The following APBB2 variants were observed in gnomAD, a reference collection of about 807,000 sequenced individuals.
The protein encoded by APBB2 is Fe65-like 1.
APBB2 carries 38 observed loss-of-function variants against 82.5 expected under a neutral mutation model. That is an observed-to-expected ratio of 0.46 (90% CI 0.36 to 0.60). APBB2 has a LOEUF of 0.60. Ranked by LOEUF, APBB2 falls within the 20% of genes least tolerant of loss-of-function variation. The pLI is 0.00. For missense variants in APBB2, 772 were observed against 972.3 expected (o/e 0.79, Z 2.74); for synonymous variants, 341 against 368.2 (o/e 0.93, Z 0.85).
intron 5 of APBB2, among the ~76,000 whole-genome samples, chr4:41,024,827 T>C (rs945196290): frequency 2.6e-5 from 4 of 152,214 alleles, no homozygotes; most frequent in Non-Finnish European, 5.9e-5. Flanking sequence ...GGTTAAGAGA[T>C]AAGCCTGTGC....
At chr4:41,206,778 C>A (rs981982647) in intron 1 of APBB2, among the ~76,000 whole-genome samples, 1 of 152,212 alleles carries the variant, frequency 6.6e-6, no homozygotes, top group African/African-American at 2.4e-5. Context: ...TTCACTTCCA[C>A]TGACAAACAA....
intron 10 of APBB2, among the ~76,000 whole-genome samples, chr4:40,907,361 ATATATATATATATATATATTTTTTT>A (rs1208242636): frequency 8.1e-5 from 7 of 86,932 alleles, no homozygotes; most frequent in African/African-American, 1.3e-4. Context: ...ATATATATAT[ATATATATATATATATATATTTTTTT>A]TTTTTTTTTT....
intron 6 of APBB2, among the ~76,000 whole-genome samples, chr4:40,948,531 C>T (rs1050124440): frequency 5.9e-5 from 9 of 151,894 alleles, no homozygotes; most frequent in Admixed American, 1.3e-4. Flanking sequence ...GAGGCCGAGG[C>T]GGGCAGATCA....
intron 1 of APBB2, among the ~76,000 whole-genome samples, chr4:41,163,477 G>A (rs2154042710): frequency 6.6e-6 from 1 of 152,248 alleles, no homozygotes; most frequent in Middle Eastern, 3.4e-3. Flanking sequence ...GGAGGCAGGA[G>A]GAGTAAAAGA....
intron 6 of APBB2, among the ~76,000 whole-genome samples, chr4:40,978,392 G>A (rs2154401773): frequency 6.6e-6 from 1 of 152,256 alleles, no homozygotes; most frequent in African/African-American, 2.4e-5. Flanking sequence ...CAAGACAAAT[G>A]CATCTACCCA....
At position 40,832,812 on chromosome 4, in the gene APBB2, C is replaced by G. The variant is rs772347347; in HGVS notation, c.1530-2235G>C. ...GACGACTGTGCCTAACTCATCCCAG[C>G]GTCTAGTTCAGGCCTGGCGTATCAC... On this transcript the variant is annotated intron_variant, in intron 12 of 17. Coordinates refer to ENST00000508593, the MANE Select transcript of APBB2 (RefSeq NM_004307.2). The surrounding 1 kb of genome is among the most constrained non-coding windows in gnomAD (Gnocchi z 4.8). Among the ~76,000 whole-genome samples, 3 of 152,194 alleles carry G rather than the reference C, an allele frequency of 2.0e-5. No homozygotes were observed. The highest frequency in any genetic ancestry group is 6.5e-5 in the Admixed American group (1 of 15,282).
At chr4:40,886,144 A>G (rs1297618138) in intron 12 of APBB2, among the ~76,000 whole-genome samples, 1 of 152,190 alleles carries the variant, frequency 6.6e-6, no homozygotes, top group Non-Finnish European at 1.5e-5. Flanking sequence ...ATCAACCACG[A>G]GGCAAGAGGG....
At chr4:41,200,385 T>TAAAA (rs146275212) in intron 1 of APBB2, among the ~76,000 whole-genome samples, 4 of 151,420 alleles carry the variant, frequency 2.6e-5, no homozygotes, top group Admixed American at 6.6e-5. Context: ...ATTTTTTTTT[T>TAAAA]AAATAAAATT....
At chr4:41,000,296 G>C (rs1362316552) in intron 6 of APBB2, among the ~76,000 whole-genome samples, 1 of 151,490 alleles carries the variant, frequency 6.6e-6, no homozygotes, top group Non-Finnish European at 1.5e-5. Flanking sequence ...TATTTAAAAA[G>C]GGCAAAGTCA....
chr4:41,081,948 T>C (rs1270905238), intron 3 of APBB2, among the ~76,000 whole-genome samples: 1 of 152,208 alleles, frequency 6.6e-6, no homozygotes, highest in East Asian at 1.9e-4. Flanking sequence ...TGACACCTAC[T>C]ACAAATACAG....
At chr4:41,001,563 G>T (rs1417864694) in intron 6 of APBB2, among the ~76,000 whole-genome samples, 1 of 152,162 alleles carries the variant, frequency 6.6e-6, no homozygotes, top group Non-Finnish European at 1.5e-5. Context: ...TTATATTCAA[G>T]AGTAAGTCTA....
intron 1 of APBB2, among the ~76,000 whole-genome samples, chr4:41,178,387 C>T (rs1243373713): frequency 6.6e-6 from 1 of 152,164 alleles, no homozygotes; most frequent in Non-Finnish European, 1.5e-5. Flanking sequence ...CTCAAACCCA[C>T]CCAGACTAGA....
chr4:40,893,471 T>C (rs949029770), intron 10 of APBB2, 60 bp from the exon 11 acceptor site: 10 of 1,490,020 alleles, frequency 6.7e-6, no homozygotes, highest in Admixed American at 6.5e-5. Flanking sequence ...CATATCAGTT[T>C]ACACTACTCC....
intron 10 of APBB2, among the ~76,000 whole-genome samples, chr4:40,911,596 C>G (rs1266627734): frequency 6.6e-6 from 1 of 152,200 alleles, no homozygotes; most frequent in East Asian, 1.9e-4. Context: ...GCTTACTCTG[C>G]CCAATCCAAT....
chr4:41,030,354 A>G (rs1486412262), intron 5 of APBB2, among the ~76,000 whole-genome samples: 3 of 152,236 alleles, frequency 2.0e-5, no homozygotes, highest in East Asian at 1.9e-4. Flanking sequence ...GGAGTAGTCA[A>G]CTTTGGAAAT....
chr4:40,957,922 T>C (rs1469461433), intron 6 of APBB2, among the ~76,000 whole-genome samples: 1 of 152,184 alleles, frequency 6.6e-6, no homozygotes, highest in Non-Finnish European at 1.5e-5. Context: ...AGATAGGATA[T>C]GATCAGAGGT....
intron 10 of APBB2, among the ~76,000 whole-genome samples, chr4:40,893,972 TCAA>T (rs71975850): frequency 0.14 from 21,762 of 150,428 alleles, 1,810 homozygotes; most frequent in Admixed American, 0.21. Flanking sequence ...AGACTCCATC[TCAA>T]CAACAACAAC....
intron 5 of APBB2, among the ~76,000 whole-genome samples, chr4:41,024,708 C>A (rs1255322123): frequency 1.3e-5 from 2 of 152,176 alleles, no homozygotes; most frequent in East Asian, 3.8e-4. Flanking sequence ...TTTACAGATT[C>A]CTGTTTTCCG....
chr4:40,914,938 C>A (rs761106114), intron 10 of APBB2, among the ~76,000 whole-genome samples: 4 of 152,162 alleles, frequency 2.6e-5, no homozygotes, highest in African/African-American at 4.8e-5. Context: ...CTGCTACTGA[C>A]TAGAACCTTC....
Sources: allele counts gnomAD v4.1 joint callset (sites outside exome capture counted in the v4.1 genomes callset), GRCh38; gene constraint gnomAD v4.1.1; non-coding constraint Gnocchi (gnomAD v3.1); transcripts MANE v1.5; gene names NCBI Gene and HGNC (gene_info 2026-07-23, HGNC 2026-07-21).